Variants in TOPORS observed in about 807,000 individuals in gnomAD.
The protein encoded by TOPORS is E3 ubiquitin-protein ligase Topors.
TOPORS carries 25 observed loss-of-function variants against 81.4 expected under a neutral mutation model. That is an observed-to-expected ratio of 0.31 (90% CI 0.22 to 0.43). TOPORS has a LOEUF of 0.43. Ranked by LOEUF, TOPORS falls within the 20% of genes least tolerant of loss-of-function variation. TOPORS has a pLI of 1.00. For synonymous variants in TOPORS, 473 were observed against 456.6 expected, an observed-to-expected ratio of 1.04 and a Z score of -0.46; for missense variants, 1,101 against 1,267.0, an observed-to-expected ratio of 0.87 and a Z score of 1.99.
Position 32,544,078 on chromosome 9 carries a change from G to A in TOPORS, c.447C>T (p.Phe149=). The change falls in exon 3 of 3, where the codon TTC becomes TTT. Residue 149 remains phenylalanine, a synonymous_variant. Transcript: ENST00000360538. The part of the protein sequence containing the change: ...PLCKQPFDSI[F]HSVRAEDDFK... ...AGTCATCTTCTGCCCTCACAGAATG[G>A]AAAATAGAATCAAAGGGCTGTTTAC... The A allele has an allele frequency of 6.2e-7, 1 of 1,614,136 alleles. No homozygotes were observed. Among genetic ancestry groups the A allele is most frequent in the Non-Finnish European group, 8.5e-7 (1 of 1,180,022 alleles).
intron 2 of TOPORS, among the ~76,000 whole-genome samples, chr9:32,548,237 T>A (rs1481941634): frequency 6.6e-6 from 1 of 151,310 alleles, no homozygotes; most frequent in African/African-American, 2.4e-5. Context: ...AGTGGTTGAT[T>A]TGCTGGCCGG....
chr9:32,550,991 C>A, intron 1 of TOPORS, 23 bp from the exon 2 acceptor site: 1 of 1,607,266 alleles, frequency 6.2e-7, no homozygotes, highest in African/African-American at 1.3e-5. Flanking sequence ...GGGCTCATCA[C>A]CAATGGCAGC....
rs1374110502 is a variant in TOPORS at position 32,541,413 on chromosome 9, G to A, written c.3112C>T (p.Leu1038Phe). ...TAAGACATATCACAGTCTCTACCAA[G>A]ACATACTGACATTAATGATGTCCGT... ...SPRTSLMSVCLGRDCDMS is the reference protein window; with the variant it reads ...SPRTSLMSVCFGRDCDMS Residue 1038 changes from leucine to phenylalanine, a missense_variant, in exon 3 of 3, where the codon CTT (leucine) becomes TTT (phenylalanine). Leu to Phe is a conservative substitution (Grantham distance 22, BLOSUM62 0). Around this residue, in one of 9 missense-constraint regions of TOPORS, gnomAD observed 605 missense variants for 636.1 expected, o/e 0.95. Transcript: ENST00000360538. 6.2e-7 allele frequency: 1 copy of A among 1,614,162 alleles called. No homozygotes were observed. Among genetic ancestry groups the A allele is most frequent in the Non-Finnish European group, 8.5e-7 (1 of 1,180,026 alleles).
Position 32,551,040 on chromosome 9 carries a change from CCCGCGCATCAAAACACAA to C in TOPORS, c.4-90_4-73del. On this transcript the variant is annotated intron_variant, in intron 1 of 2. Coordinates refer to ENST00000360538, the MANE Select transcript of TOPORS (RefSeq NM_005802.5). ...AGAGAGCGAGACCCACCCCCCAGCTCCCGCGCATCAAAACACAACACCCGCCTTCCTCACGCATGCGCA... is the reference window on the plus strand; with the variant it reads ...AGAGAGCGAGACCCACCCCCCAGCTCCACCCGCCTTCCTCACGCATGCGCA... 1.9e-6 allele frequency: 3 copies of C among 1,543,020 alleles called. No homozygotes were observed. In the South Asian group the frequency reaches 3.4e-5, roughly 18 times the overall value.
Position 32,552,483 on chromosome 9 carries a change from A to T in TOPORS, c.-47T>A. ...GCTGGACTGGATTTATTCAGTGGTA[A>T]GTCCCGGGGATCGCGGGCCCCCACC... On this transcript the variant is annotated 5_prime_UTR_variant, in exon 1 of 3. Transcript: ENST00000360538. The T allele has an allele frequency of 6.3e-7, 1 of 1,592,152 alleles. No individual in the cohort carries two copies. The highest frequency in any genetic ancestry group is 8.5e-7 in the Non-Finnish European group (1 of 1,169,792).
rs746787578 is a variant in TOPORS at position 32,541,835 on chromosome 9, T to C, written c.2690A>G (p.His897Arg). The change falls in exon 3 of 3, where the codon CAT becomes CGT. Residue 897 changes from histidine (H) to arginine (R), a missense_variant. By Grantham distance (29) the His-to-Arg change is conservative (BLOSUM62 0). This residue lies in a region of TOPORS where 605 missense variants were observed against 636.1 expected (regional missense o/e 0.95). Coordinates refer to ENST00000360538, the MANE Select transcript of TOPORS (RefSeq NM_005802.5). Reference sequence around the variant, plus strand: ...TGGGGAACGTGAAGCATTATCTCCATGGTGTTTCTTATGCTTCTTCTTATG... The same window carrying C: ...TGGGGAACGTGAAGCATTATCTCCACGGTGTTTCTTATGCTTCTTCTTATG... The part of the protein sequence containing the change: ...KKHKKKHKKH[H>R]GDNASRSPVV... The C allele has an allele frequency of 3.1e-6, 5 of 1,614,022 alleles. No homozygotes were observed. Among genetic ancestry groups the C allele is most frequent in the Non-Finnish European group, 4.2e-6 (5 of 1,180,010 alleles).
Position 32,543,180 on chromosome 9 carries a change from GTTC to G in TOPORS, c.1342_1344del (p.Glu448del). 1 of 1,613,914 alleles carries G rather than the reference GTTC, an allele frequency of 6.2e-7. No individual in the cohort carries two copies. Among genetic ancestry groups the G allele is most frequent in the Non-Finnish European group, 8.5e-7 (1 of 1,180,012 alleles). On this transcript the variant is annotated inframe_deletion, in exon 3 of 3. Coordinates refer to ENST00000360538, the MANE Select transcript of TOPORS (RefSeq NM_005802.5). The surrounding 1 kb of genome is among the most constrained non-coding windows in gnomAD (Gnocchi z 5.6). ...TGAGACGTGGCTCCTCCTGTGACAA[GTTC>G]TTCATCTGAACTGTCAGAAGTATTT...
intron 2 of TOPORS, among the ~76,000 whole-genome samples, chr9:32,549,746 G>C (rs1024599743): frequency 6.6e-6 from 1 of 151,964 alleles, no homozygotes; most frequent in African/African-American, 2.4e-5. Flanking sequence ...GACTAAAAAG[G>C]GTTCACGAAT....
chr9:32,550,594 C>T (rs941084475), intron 2 of TOPORS, among the ~76,000 whole-genome samples, 180 bp downstream of exon 2: 1 of 152,244 alleles, frequency 6.6e-6, no homozygotes, highest in African/African-American at 2.4e-5. Context: ...CGCCTGCCCG[C>T]ACCAATCCAC....
chr9:32,543,851 A>G lies in TOPORS; in HGVS notation c.674T>C (p.Val225Ala), dbSNP rs1294058368. 1.9e-6 allele frequency: 3 copies of G among 1,614,182 alleles called. No individual in the cohort carries two copies. Among genetic ancestry groups the G allele is most frequent in the African/African-American group, 1.3e-5 (1 of 75,058 alleles). The change falls in exon 3 of 3, where the codon GTT becomes GCT. Residue 225 changes from valine to alanine, a missense_variant. Physicochemically the swap from Val to Ala is moderately conservative, Grantham distance 64 (BLOSUM62 0). This residue lies in a region of TOPORS where 120 missense variants were observed against 115.4 expected (regional missense o/e 1.04). Transcript: ENST00000360538. The surrounding 1 kb of genome is among the most constrained non-coding windows in gnomAD (Gnocchi z 5.6). ...CTGTCTCATAAACTGAGGAATTTCAACATCTCTAGGTCTTGTTGAAATGCC... is the reference window on the plus strand; with the variant it reads ...CTGTCTCATAAACTGAGGAATTTCAGCATCTCTAGGTCTTGTTGAAATGCC... ...GLGISTRPRDVEIPQFMRQIA... is the reference protein window; with the variant it reads ...GLGISTRPRDAEIPQFMRQIA...
chr9:32,541,896 CAGT>C lies in TOPORS; in HGVS notation c.2626_2628del (p.Thr876del). The C allele has an allele frequency of 6.2e-7, 1 of 1,613,934 alleles. No individual in the cohort carries two copies. Among genetic ancestry groups the C allele is most frequent in the African/African-American group, 1.3e-5 (1 of 74,958 alleles). On this transcript the variant is annotated inframe_deletion, in exon 3 of 3. Transcript: ENST00000360538. ...TTCTTTTTATGGTGTTTAGTTGTAT[CAGT>C]AGCTTTTCCTTCATAAACTATCTCT...
intron 2 of TOPORS, among the ~76,000 whole-genome samples, chr9:32,546,777 T>G (rs1006311153): frequency 1.3e-5 from 2 of 152,138 alleles, no homozygotes; most frequent in Non-Finnish European, 2.9e-5. Context: ...ACTTTGACAG[T>G]AAAAGGTGAA....
Position 32,542,858 on chromosome 9 carries a change from A to C in TOPORS, c.1667T>G (p.Ile556Ser). The change falls in exon 3 of 3, where the codon ATC (isoleucine) becomes AGC (serine). Residue 556 changes from isoleucine (I) to serine (S), a missense_variant. This residue lies in a region of TOPORS where 605 missense variants were observed against 636.1 expected (regional missense o/e 0.95). Transcript: ENST00000360538. Reference sequence around the variant, plus strand: ...TCGTTTCTCTTCCTTCTTTGATTTGATTCTTGTACTAGAATCACAATGACC... The same window carrying C: ...TCGTTTCTCTTCCTTCTTTGATTTGCTTCTTGTACTAGAATCACAATGACC... ...NKGHCDSSTR[I>S]KSKKEEKRST... The C allele has an allele frequency of 6.2e-7, 1 of 1,614,064 alleles. No individual in the cohort carries two copies. Among genetic ancestry groups the C allele is most frequent in the South Asian group, 1.1e-5 (1 of 91,084 alleles).
intron 2 of TOPORS, 42 bp from the exon 3 acceptor site, chr9:32,544,368 G>A (rs778795372): frequency 1.3e-6 from 2 of 1,572,038 alleles, no homozygotes; most frequent in Non-Finnish European, 1.7e-6. Context: ...TGATAATAGA[G>A]GAATGACTAA....
Position 32,542,777 on chromosome 9 carries a change from ACT to A in TOPORS, c.1746_1747del (p.Arg582SerfsTer6), listed in dbSNP as rs1821087522. ...GTGTCTATGGTTATATGGAGAATAT[ACT>A]CTGTCTCCTCTTACAGATGAGTTCA... is the stretch of plus-strand genomic sequence containing the variant. On this transcript the variant is annotated frameshift_variant, in exon 3 of 3. Transcript: ENST00000360538. LOFTEE classifies it high-confidence loss of function. The A allele has an allele frequency of 6.2e-7, 1 of 1,613,978 alleles. No homozygotes were observed. The highest frequency in any genetic ancestry group is 8.5e-7 in the Non-Finnish European group (1 of 1,180,018).
In TOPORS at chr9:32,540,851, AG is replaced by A. The variant is rs1821045651; in HGVS notation, c.*535del. 1 of 152,662 alleles carries A rather than the reference AG, an allele frequency of 6.6e-6. No individual in the cohort carries two copies. The highest frequency in any genetic ancestry group is 2.1e-4 in the South Asian group (1 of 4,832). The allele number at this position is 152,662 out of a possible 1,614,324, so 9.5% of individuals were successfully genotyped here. ...GTTTTACTGGCAGTCCAGATAAACA[AG>A]TATATAAAGGAAATAGTAAATTTTT... is the stretch of plus-strand genomic sequence containing the variant. On this transcript the variant is annotated 3_prime_UTR_variant, in exon 3 of 3. Transcript: ENST00000360538.
intron 2 of TOPORS, among the ~76,000 whole-genome samples, chr9:32,547,466 T>A (rs527244877): frequency 6.6e-6 from 1 of 152,292 alleles, no homozygotes; most frequent in Non-Finnish European, 1.5e-5. Context: ...ATCAATTGAT[T>A]AACAGACTAA....
chr9:32,544,382 G>C, intron 2 of TOPORS, 56 bp from the exon 3 acceptor site: 2 of 1,545,870 alleles, frequency 1.3e-6, no homozygotes, highest in Non-Finnish European at 8.8e-7. Flanking sequence ...TGACTAAATA[G>C]TCTCAACAAA....
Position 32,543,284 on chromosome 9 carries a change from G to A in TOPORS, c.1241C>T (p.Ala414Val). ...LDINVATVSQ[A>V]PWDDETPGPS... is the part of the protein sequence containing the mutation. ...TCCTGGAGTTTCATCATCCCATGGT[G>A]CCTGACTAACAGTGGCTACATTAAT... The change falls in exon 3 of 3, where the codon GCA (alanine) becomes GTA (valine). Residue 414 changes from alanine to valine, a missense_variant. Physicochemically the swap from Ala to Val is moderately conservative, Grantham distance 64. Around this residue, in one of 9 missense-constraint regions of TOPORS, gnomAD observed 103 missense variants for 112.1 expected, o/e 0.92. Coordinates refer to ENST00000360538, the MANE Select transcript of TOPORS (RefSeq NM_005802.5). This position sits in a 1 kb window ranked among gnomAD's most constrained non-coding sequence, Gnocchi z 5.6. 1.9e-6 allele frequency: 3 copies of A among 1,613,962 alleles called. No individual in the cohort carries two copies. Among genetic ancestry groups the A allele is most frequent in the Non-Finnish European group, 1.7e-6 (2 of 1,180,034 alleles).
Sources: allele counts gnomAD v4.1 joint callset (sites outside exome capture counted in the v4.1 genomes callset), GRCh38; gene constraint gnomAD v4.1.1; regional missense constraint gnomAD v4.1.1; non-coding constraint Gnocchi (gnomAD v3.1); transcripts MANE v1.5; gene names NCBI Gene and HGNC (gene_info 2026-07-23, HGNC 2026-07-21).